Variants in SNTG2 observed in about 807,000 individuals in gnomAD.
The protein encoded by SNTG2 is syntrophin gamma 2, also known as gamma-2-syntrophin.
SNTG2 carries 74 observed loss-of-function variants against 70.9 expected under a neutral mutation model. That is an observed-to-expected ratio of 1.04 (90% CI 0.86 to 1.27). The LOEUF is 1.27. Ranked by LOEUF, SNTG2 falls within the 50% of genes most tolerant of loss-of-function variation. The pLI is 0.00. For synonymous variants in SNTG2, 278 were observed against 273.8 expected (o/e 1.02, Z -0.15); for missense variants, 717 against 690.7 (o/e 1.04, Z -0.43).
At chr2:1,320,079 C>T (rs1681450143) in intron 16 of SNTG2, among the ~76,000 whole-genome samples, 1 of 152,124 alleles carries the variant, frequency 6.6e-6, no homozygotes, top group African/African-American at 2.4e-5. Context: ...AACAAGTTTC[C>T]TTTTAGTAGT....
At chr2:1,226,881 T>C (rs1675825244) in intron 9 of SNTG2, among the ~76,000 whole-genome samples, 1 of 152,256 alleles carries the variant, frequency 6.6e-6, no homozygotes, top group Non-Finnish European at 1.5e-5. Flanking sequence ...TCACTCATTA[T>C]GTAAAGTGAA....
chr2:1,278,785 C>T (rs925260932), intron 14 of SNTG2, among the ~76,000 whole-genome samples: 1 of 152,164 alleles, frequency 6.6e-6, no homozygotes, highest in Non-Finnish European at 1.5e-5. Context: ...TCTGAGGTTT[C>T]AGTTACCCGT....
chr2:1,063,334 C>G (rs576520568), intron 1 of SNTG2, among the ~76,000 whole-genome samples: 1 of 152,246 alleles, frequency 6.6e-6, no homozygotes, highest in South Asian at 2.1e-4. Flanking sequence ...GGTGCACAGA[C>G]TTCCCAGGAG....
At chr2:1,109,803 TG>T (rs1666320220) in intron 4 of SNTG2, among the ~76,000 whole-genome samples, 1 of 152,222 alleles carries the variant, frequency 6.6e-6, no homozygotes, top group South Asian at 2.1e-4. Context: ...GTAGCTAATT[TG>T]ATGTGTATAT....
rs1043343106 is a variant in SNTG2, at chr2:951,104, C to T, written c.72+36C>T. 216 of 1,085,516 alleles carry T rather than the reference C, an allele frequency of 2.0e-4. 1 individual carries two copies. The highest frequency in any genetic ancestry group is 1.4e-3 in the Admixed American group (34 of 23,504). 67.2% of individuals were successfully genotyped at this position (1,085,516 alleles called of 1,614,324 possible). A position where few individuals can be genotyped will look rare whatever the true frequency, so the allele number is the denominator to read the frequency against. ...CCCCTCAGCGCCCCTTCACCTCCGG[C>T]CCCCCTTCCCTCTCCTTCGCGCCCT... On this transcript the variant is annotated intron_variant, in intron 1 of 16. Coordinates refer to ENST00000308624, the MANE Select transcript of SNTG2 (RefSeq NM_018968.4).
chr2:960,897 G>A (rs549573028), intron 1 of SNTG2, among the ~76,000 whole-genome samples: 1 of 152,306 alleles, frequency 6.6e-6, no homozygotes, highest in East Asian at 1.9e-4. Context: ...CATGGTCTTG[G>A]GACTCCTCAC....
intron 14 of SNTG2, among the ~76,000 whole-genome samples, chr2:1,289,162 G>T (rs1195703181): frequency 6.6e-6 from 1 of 151,998 alleles, no homozygotes; most frequent in Non-Finnish European, 1.5e-5. Context: ...TATCTTCAGA[G>T]ATCCTAATCA....
At chr2:1,212,174 T>G (rs997345404) in intron 9 of SNTG2, among the ~76,000 whole-genome samples, 1 of 152,180 alleles carries the variant, frequency 6.6e-6, no homozygotes, top group Non-Finnish European at 1.5e-5. Context: ...TTCTCATGAA[T>G]GGGTTAGCAA....
intron 1 of SNTG2, among the ~76,000 whole-genome samples, chr2:974,611 C>G (rs61143695): frequency 0.017 from 2,655 of 152,264 alleles, 78 homozygotes; most frequent in African/African-American, 0.061. Flanking sequence ...TCATGAAGCT[C>G]TAGGTTTTCA....
intron 14 of SNTG2, among the ~76,000 whole-genome samples, chr2:1,278,890 T>C (rs949234832): frequency 1.0e-5 from 1 of 97,650 alleles, no homozygotes; most frequent in African/African-American, 3.2e-5. Flanking sequence ...CTGTGATGAA[T>C]CTCGTGCCAC....
At chr2:1,260,771 A>C (rs1394698284) in intron 13 of SNTG2, among the ~76,000 whole-genome samples, 1 of 145,408 alleles carries the variant, frequency 6.9e-6, no homozygotes, top group Non-Finnish European at 1.5e-5. Flanking sequence ...CATCCATCAC[A>C]TTTCCACAGA....
chr2:1,118,476 C>T (rs1667178247), intron 4 of SNTG2, among the ~76,000 whole-genome samples: 1 of 152,072 alleles, frequency 6.6e-6, no homozygotes, highest in African/African-American at 2.4e-5. Context: ...CCCTGTCCAA[C>T]CAGCACCCTC....
intron 4 of SNTG2, among the ~76,000 whole-genome samples, chr2:1,136,533 C>G (rs1324611772): frequency 6.6e-6 from 1 of 152,138 alleles, no homozygotes; most frequent in Non-Finnish European, 1.5e-5. Context: ...GATATGAAAA[C>G]TATAGTTTCA....
At chr2:1,118,663 G>GA (rs55918129) in intron 4 of SNTG2, among the ~76,000 whole-genome samples, 73,732 of 150,122 alleles carry the variant, frequency 0.49, 18,100 homozygotes, top group East Asian at 0.57. Context: ...TTAAGCAGCA[G>GA]AAAAAAAAAA....
chr2:1,136,547 T>G (rs4553853), intron 4 of SNTG2, among the ~76,000 whole-genome samples: 1 of 152,194 alleles, frequency 6.6e-6, no homozygotes, highest in Non-Finnish European at 1.5e-5. Flanking sequence ...AGTTTCAACA[T>G]GATTTAATAT....
At chr2:1,190,907 T>G (rs1395488026) in intron 8 of SNTG2, among the ~76,000 whole-genome samples, 2 of 152,166 alleles carry the variant, frequency 1.3e-5, no homozygotes, top group Non-Finnish European at 2.9e-5. Flanking sequence ...AAAAACAATT[T>G]AGTACTATCA....
intron 11 of SNTG2, among the ~76,000 whole-genome samples, chr2:1,246,757 GGATT>G (rs1469662393): frequency 1.3e-5 from 2 of 151,792 alleles, no homozygotes; most frequent in East Asian, 3.9e-4. Flanking sequence ...TTCTTAAATT[GGATT>G]ATTATTTAAA....
rs558051455 is a variant in SNTG2, at chr2:1,244,695, CA to C, written c.889-2611del. Among the ~76,000 whole-genome samples the C allele has an allele frequency of 2.5e-3, 220 of 88,604 alleles. 1 individual carries two copies. The highest frequency in any genetic ancestry group is 8.6e-3 in the South Asian group (21 of 2,434). 58.1% of individuals were successfully genotyped at this position (88,604 alleles called of 152,430 possible). On this transcript the variant is annotated intron_variant, in intron 11 of 16. Coordinates refer to ENST00000308624, the MANE Select transcript of SNTG2 (RefSeq NM_018968.4). The stretch of plus-strand genomic sequence containing the variant: ...TGGGTGACAGAGCGAGACTCCATCT[CA>C]AAAAAAAAAAAAAAAAAAAACAGTT...
At chr2:1,077,181 A>T (rs949893777) in intron 1 of SNTG2, among the ~76,000 whole-genome samples, 12 of 152,132 alleles carry the variant, frequency 7.9e-5, no homozygotes, top group African/African-American at 2.2e-4. Context: ...TATGTTTAGG[A>T]TGAATTCTTA....
Sources: gnomAD v4.1 joint callset for allele counts (sites outside exome capture counted in the v4.1 genomes callset) on GRCh38, gnomAD v4.1.1 for gene constraint, MANE v1.5 for transcripts, NCBI Gene and HGNC (gene_info 2026-07-23, HGNC 2026-07-21) for gene names.